The following AMOTL1 variants were observed in gnomAD, a reference collection of about 807,000 sequenced individuals.
AMOTL1 encodes angiomotin like 1, also known as angiomotin-like protein 1.
In AMOTL1, 45 loss-of-function variants were observed where a neutral mutation model predicts 102.9. The observed-to-expected ratio is 0.44, with a 90% CI of 0.34 to 0.56. The LOEUF (loss-of-function observed/expected upper bound fraction) is 0.56, where lower values mean the gene tolerates loss of function less well. Among genes scored for constraint, AMOTL1 ranks in the 20% least tolerant of loss-of-function variants. AMOTL1 has a pLI of 0.01. For missense variants in AMOTL1, 1,114 were observed against 1,225.6 expected, an observed-to-expected ratio of 0.91 and a Z score of 1.36; for synonymous variants, 481 against 484.7, an observed-to-expected ratio of 0.99 and a Z score of 0.10.
intron 1 of AMOTL1, among the ~76,000 whole-genome samples, chr11:94,711,500 C>A (rs1228956339): frequency 2.0e-5 from 3 of 151,724 alleles, no homozygotes; most frequent in African/African-American, 7.3e-5. Context: ...TGATTGTATA[C>A]AGTTTTTGTC....
intron 10 of AMOTL1, among the ~76,000 whole-genome samples, chr11:94,865,592 A>C (rs1428480004): frequency 1.3e-5 from 2 of 152,134 alleles, no homozygotes; most frequent in African/African-American, 4.8e-5. Context: ...GAGGCTTTAG[A>C]GTTTTTATGC....
chr11:94,859,427 C>T, intron 8 of AMOTL1, 98 bp from the exon 9 acceptor site: 1 of 1,197,472 alleles, frequency 8.4e-7, no homozygotes, highest in Non-Finnish European at 1.1e-6. Context: ...GTGTGAATTG[C>T]TGCAGGATCT....
intron 3 of AMOTL1, among the ~76,000 whole-genome samples, chr11:94,748,663 C>A (rs1950616087): frequency 6.6e-6 from 1 of 152,224 alleles, no homozygotes; most frequent in Non-Finnish European, 1.5e-5. Context: ...TCTGTATCTT[C>A]TTTTCCTAAA....
At chr11:94,740,818 TGA>T in intron 2 of AMOTL1, 1 of 777,388 alleles carries the variant, frequency 1.3e-6, no homozygotes, top group South Asian at 1.4e-5. Context: ...TCAGGGATTC[TGA>T]GCGCTGGGAG....
chr11:94,730,683 T>C (rs367950329), intron 2 of AMOTL1, among the ~76,000 whole-genome samples: 1 of 152,134 alleles, frequency 6.6e-6, no homozygotes, highest in Non-Finnish European at 1.5e-5. Flanking sequence ...GATGAATGAA[T>C]GAATGAATGA....
rs1286297297 is a variant in AMOTL1 at position 94,874,172 on chromosome 11, T to G, written c.*3377T>G. ...GAGTCAGGTCTCTGAAGCTAGAGTT[T>G]CACTAATTAGATGCCTCTGTACATG... On this transcript the variant is annotated 3_prime_UTR_variant, in exon 13 of 13. Coordinates refer to ENST00000433060, the MANE Select transcript of AMOTL1 (RefSeq NM_130847.3). The G allele has an allele frequency of 6.6e-6, 1 of 152,242 alleles. No homozygotes were observed. The highest frequency in any genetic ancestry group is 1.5e-5 in the Non-Finnish European group (1 of 68,040). 9.4% of individuals were successfully genotyped at this position (152,242 alleles called of 1,614,324 possible).
rs1252132370 is a variant in AMOTL1 at position 94,875,003 on chromosome 11, C to A, written c.*4208C>A. The stretch of plus-strand genomic sequence containing the variant: ...CATGACCATAGTCAGTGGGATCCCA[C>A]AAATGTTCTTAAATGGGTAAGGCTT... On this transcript the variant is annotated 3_prime_UTR_variant, in exon 13 of 13. Coordinates refer to ENST00000433060, the MANE Select transcript of AMOTL1 (RefSeq NM_130847.3). 6.6e-6 allele frequency: 1 copy of A among 152,200 alleles called. No individual in the cohort carries two copies. Among genetic ancestry groups the A allele is most frequent in the Non-Finnish European group, 1.5e-5 (1 of 68,042 alleles). 9.4% of individuals were successfully genotyped at this position (152,200 alleles called of 1,614,324 possible).
At chr11:94,727,495 G>A (rs537922970) in intron 1 of AMOTL1, among the ~76,000 whole-genome samples, 4 of 152,200 alleles carry the variant, frequency 2.6e-5, no homozygotes, top group East Asian at 1.9e-4. Flanking sequence ...GTTGGCTAAC[G>A]GATAAATAAT....
At chr11:94,843,106 C>T (rs1477218760) in intron 6 of AMOTL1, among the ~76,000 whole-genome samples, 1 of 152,148 alleles carries the variant, frequency 6.6e-6, no homozygotes, top group African/African-American at 2.4e-5. Context: ...AATAACAAGC[C>T]TCCTTACCCA....
chr11:94,834,749 A>T (rs1952140200), intron 6 of AMOTL1, among the ~76,000 whole-genome samples: 1 of 152,156 alleles, frequency 6.6e-6, no homozygotes, highest in East Asian at 1.9e-4. Context: ...CACGGAAACT[A>T]GCCATCCAAG....
chr11:94,859,657 G>A lies in AMOTL1; in HGVS notation c.2077G>A (p.Glu693Lys). The change falls in exon 9 of 13, where the codon GAG becomes AAG. Residue 693 changes from glutamate (E) to lysine (K), a missense_variant. Transcript: ENST00000433060. ...GACAAAGTGGGAGCAGAAGTACCTG[G>A]AGGAGAGCACCATCCGACACTTTGC... ...DMTKWEQKYL[E>K]ESTIRHFAMN... 1.2e-6 allele frequency: 2 copies of A among 1,613,262 alleles called. No individual in the cohort carries two copies. The highest frequency in any genetic ancestry group is 1.7e-6 in the Non-Finnish European group (2 of 1,179,602).
At chr11:94,739,934 T>G (rs1388924636) in intron 2 of AMOTL1, among the ~76,000 whole-genome samples, 1 of 152,200 alleles carries the variant, frequency 6.6e-6, no homozygotes, top group Non-Finnish European at 1.5e-5. Flanking sequence ...GCATAACCAT[T>G]GCTTCTACAT....
Position 94,799,915 on chromosome 11 carries a change from G to T in AMOTL1, c.725G>T (p.Gly242Val). 1 of 1,610,036 alleles carries T rather than the reference G, an allele frequency of 6.2e-7. No individual in the cohort carries two copies. Among genetic ancestry groups the T allele is most frequent in the Non-Finnish European group, 8.5e-7 (1 of 1,177,958 alleles). Residue 242 changes from glycine to valine, a missense_variant, in exon 3 of 13, where the codon GGA becomes GTA. Transcript: ENST00000433060. This position sits in a 1 kb window ranked among gnomAD's most constrained non-coding sequence, Gnocchi z 4.5. Reference sequence around the variant, plus strand: ...CCCACTGTGAACCGTGCCAACAGTGGACAGGCGCATAAGGACGAGGCGCTG... The same window carrying T: ...CCCACTGTGAACCGTGCCAACAGTGTACAGGCGCATAAGGACGAGGCGCTG... ...GRPTVNRANS[G>V]QAHKDEALKE... is the part of the protein sequence containing the mutation.
At chr11:94,728,051 A>G (rs911630285) in intron 1 of AMOTL1, among the ~76,000 whole-genome samples, 1 of 152,204 alleles carries the variant, frequency 6.6e-6, no homozygotes, top group Non-Finnish European at 1.5e-5. Context: ...GCCTATCCTA[A>G]TTAGGCTGAC....
In AMOTL1 at chr11:94,850,272, TGTGGGGATTTG is replaced by T. The variant is rs755447662; in HGVS notation, c.1794+21_1794+31del. 3.8e-6 allele frequency: 6 copies of T among 1,586,006 alleles called. No homozygotes were observed. In the South Asian group the frequency reaches 7.0e-5, roughly 18 times the overall value. On this transcript the variant is annotated intron_variant, in intron 7 of 12. Transcript: ENST00000433060. The stretch of plus-strand genomic sequence containing the variant: ...GCTGGAAGAGGAGGTGAGACCAGGC[TGTGGGGATTTG>T]GTGGGGAAGAGGGCAAGCAGAGCCC...
At chr11:94,789,982 G>A (rs2135549865) in intron 1 of AMOTL1, among the ~76,000 whole-genome samples, 1 of 152,272 alleles carries the variant, frequency 6.6e-6, no homozygotes, top group South Asian at 2.1e-4. Flanking sequence ...GCAGTTAGTG[G>A]TCTCTTTGAG....
intron 3 of AMOTL1, among the ~76,000 whole-genome samples, chr11:94,755,258 C>T (rs1950707248): frequency 2.6e-5 from 4 of 152,152 alleles, no homozygotes; most frequent in Admixed American, 2.6e-4. Context: ...GGTTATATGG[C>T]TTCTGGGGTC....
At chr11:94,844,588 A>G (rs1417029671) in intron 6 of AMOTL1, among the ~76,000 whole-genome samples, 1 of 152,242 alleles carries the variant, frequency 6.6e-6, no homozygotes, top group Non-Finnish European at 1.5e-5. Flanking sequence ...TGCATGGCCA[A>G]AGGGCAGAAG....
intron 2 of AMOTL1, among the ~76,000 whole-genome samples, chr11:94,795,781 T>A (rs1161961580): frequency 1.3e-5 from 2 of 152,274 alleles, no homozygotes; most frequent in African/African-American, 4.8e-5. Flanking sequence ...TCCAAATACA[T>A]CATTCTCCTT....
Sources: gnomAD v4.1 joint callset for allele counts (sites outside exome capture counted in the v4.1 genomes callset) on GRCh38, gnomAD v4.1.1 for gene constraint, Gnocchi (gnomAD v3.1) non-coding constraint, MANE v1.5 for transcripts, NCBI Gene and HGNC (gene_info 2026-07-23, HGNC 2026-07-21) for gene names.